COL4A3: variants seen among roughly 807,000 people sequenced by gnomAD.
COL4A3 encodes the protein collagen alpha-3(IV) chain.
A neutral mutation model predicts 217.4 loss-of-function variants in COL4A3; 135 were observed. That is an observed-to-expected ratio of 0.62 (90% CI 0.54 to 0.72). COL4A3 has a LOEUF of 0.72. COL4A3 is among the 30% of genes least tolerant of loss of function. The probability of loss-of-function intolerance (pLI) is 0.00; values close to 1 mark genes in which losing one functional copy is unlikely to be tolerated. For missense variants in COL4A3, 1,868 were observed against 2,119.9 expected, an observed-to-expected ratio of 0.88 and a Z score of 2.33; for synonymous variants, 690 against 736.3, an observed-to-expected ratio of 0.94 and a Z score of 1.02.
chr2:227,295,794 A>G (rs905746553), intron 41 of COL4A3, among the ~76,000 whole-genome samples: 1 of 152,200 alleles, frequency 6.6e-6, no homozygotes, highest in African/African-American at 2.4e-5. Context: ...GAGTCTCTCA[A>G]CATCTCAGAC....
At chr2:227,261,975 A>C (rs1441165537) in intron 20 of COL4A3, among the ~76,000 whole-genome samples, 1 of 152,214 alleles carries the variant, frequency 6.6e-6, no homozygotes, top group Non-Finnish European at 1.5e-5. Context: ...AACTAAGAAA[A>C]AAGAGCAAAA....
At position 227,254,762 on chromosome 2, in the gene COL4A3, C is replaced by T. The variant is rs201922059; in HGVS notation, c.888+47C>T. On this transcript the variant is annotated intron_variant, in intron 15 of 51. Coordinates refer to ENST00000396578, the MANE Select transcript of COL4A3 (RefSeq NM_000091.5). Reference sequence around the variant, plus strand: ...CATGTGCAGTTTTGATTAGTCAGGACTTGGGACTCTTTAGGTTACAGGAAC... The same window carrying T: ...CATGTGCAGTTTTGATTAGTCAGGATTTGGGACTCTTTAGGTTACAGGAAC... 8.3e-6 allele frequency: 11 copies of T among 1,331,950 alleles called. No homozygotes were observed. The Admixed American group carries it at 1.3e-4, about 16-fold the overall frequency. The allele number at this position is 1,331,950 out of a possible 1,614,324, so 82.5% of individuals were successfully genotyped here.
intron 1 of COL4A3, among the ~76,000 whole-genome samples, chr2:227,207,386 A>G (rs1559826862): frequency 6.6e-6 from 1 of 152,136 alleles, no homozygotes; most frequent in Non-Finnish European, 1.5e-5. Flanking sequence ...CTTCTTGTTT[A>G]TTTCCCTACA....
At chr2:227,263,204 C>G (rs544739363) in intron 20 of COL4A3, among the ~76,000 whole-genome samples, 1 of 152,334 alleles carries the variant, frequency 6.6e-6, no homozygotes, top group East Asian at 1.9e-4. Context: ...CAGTCCTTTG[C>G]TGGTGGCATC....
At chr2:227,224,975 G>A (rs1306034527) in intron 1 of COL4A3, among the ~76,000 whole-genome samples, 3 of 152,074 alleles carry the variant, frequency 2.0e-5, no homozygotes, top group African/African-American at 7.2e-5. Flanking sequence ...GCTGTGGCGC[G>A]ATTACAGCTC....
intron 1 of COL4A3, among the ~76,000 whole-genome samples, chr2:227,230,677 A>C (rs188189892): frequency 3.0e-3 from 463 of 152,350 alleles, no homozygotes; most frequent in Admixed American, 5.6e-3. Flanking sequence ...TTTTAAATTA[A>C]ATAATTCATT....
intron 18 of COL4A3, chr2:227,259,400 T>C (rs1271685323): frequency 6.2e-6 from 1 of 161,556 alleles, no homozygotes; most frequent in Non-Finnish European, 1.3e-5. Context: ...TGAAGTAGAA[T>C]AGAATAAAAA....
chr2:227,252,951 A>C (rs114622608), intron 11 of COL4A3, among the ~76,000 whole-genome samples: 1 of 152,342 alleles, frequency 6.6e-6, no homozygotes, highest in Non-Finnish European at 1.5e-5. Context: ...TAAAACAAGA[A>C]AACAAGAGCA....
At chr2:227,269,439 T>A (rs4608502) in intron 23 of COL4A3, among the ~76,000 whole-genome samples, 1 of 151,968 alleles carries the variant, frequency 6.6e-6, no homozygotes, top group Non-Finnish European at 1.5e-5. Context: ...CCATTTAAAA[T>A]GAAGCTATAA....
chr2:227,272,295 G>A (rs1198115313), intron 25 of COL4A3, among the ~76,000 whole-genome samples: 2 of 152,266 alleles, frequency 1.3e-5, no homozygotes, highest in East Asian at 1.9e-4. Flanking sequence ...AATCAAGGTG[G>A]TGATTTGTTG....
intron 25 of COL4A3, 86 bp from the exon 26 acceptor site, chr2:227,272,863 C>CA: frequency 2.2e-6 from 3 of 1,345,804 alleles, no homozygotes; most frequent in Non-Finnish European, 3.2e-6. Flanking sequence ...GACAGCCTAA[C>CA]TGGTATTCAT....
At chr2:227,284,081 A>G in intron 33 of COL4A3, 130 bp from the exon 34 acceptor site, 4 of 1,290,856 alleles carry the variant, frequency 3.1e-6, no homozygotes, top group Non-Finnish European at 4.4e-6. Flanking sequence ...GAAACTATTT[A>G]TCAAGTTCTC....
chr2:227,202,595 C>G (rs562865099), intron 1 of COL4A3, among the ~76,000 whole-genome samples: 2 of 151,028 alleles, frequency 1.3e-5, no homozygotes, highest in Non-Finnish European at 3.0e-5. Flanking sequence ...ATTAGCCGGG[C>G]GCGGTGGCGG....
At chr2:227,288,113 TGAGACG>T (rs1299248694) in intron 34 of COL4A3, among the ~76,000 whole-genome samples, 1 of 152,168 alleles carries the variant, frequency 6.6e-6, no homozygotes, top group Non-Finnish European at 1.5e-5. Context: ...TTATTTATTT[TGAGACG>T]GAGTCTCGCT....
At chr2:227,245,860 T>A in intron 5 of COL4A3, 94 bp from the exon 6 acceptor site, 1 of 905,932 alleles carries the variant, frequency 1.1e-6, no homozygotes, top group East Asian at 2.4e-5. Context: ...ATCATTTATA[T>A]TTCAAGAGCT....
At position 227,313,217 on chromosome 2, in the gene COL4A3, T is replaced by C. The variant is rs953839935; in HGVS notation, c.*1347T>C. 1 of 152,640 alleles carries C rather than the reference T, an allele frequency of 6.6e-6. No homozygotes were observed. Among genetic ancestry groups the C allele is most frequent in the Non-Finnish European group, 1.5e-5 (1 of 68,040 alleles). The allele number at this position is 152,640 out of a possible 1,614,324, so 9.5% of individuals were successfully genotyped here. A position where few individuals can be genotyped will look rare whatever the true frequency, so the allele number is the denominator to read the frequency against. On this transcript the variant is annotated 3_prime_UTR_variant, in exon 52 of 52. Transcript: ENST00000396578. ...TATCCCAGAAAAAGTAACTCATTGC[T>C]CTGTTAATAATCTCACATATACAAG... is the stretch of plus-strand genomic sequence containing the variant.
chr2:227,228,322 C>T (rs953839279), intron 1 of COL4A3, among the ~76,000 whole-genome samples: 4 of 152,252 alleles, frequency 2.6e-5, no homozygotes, highest in Admixed American at 2.6e-4. Flanking sequence ...CAGACACGGG[C>T]AGAGGCGGCC....
intron 9 of COL4A3, 38 bp downstream of exon 9, chr2:227,248,558 TTTTCA>T (rs2069497937): frequency 2.9e-6 from 4 of 1,377,484 alleles, no homozygotes; most frequent in Middle Eastern, 1.8e-4. Context: ...TATTCTCAGT[TTTTCA>T]CTCTCTCTCT....
chr2:227,245,262 T>C (rs182135171), intron 5 of COL4A3, among the ~76,000 whole-genome samples: 3 of 151,826 alleles, frequency 2.0e-5, no homozygotes, highest in Non-Finnish European at 2.9e-5. Flanking sequence ...ATCCAGTGAT[T>C]CCACATCCAT....
Sources: gnomAD v4.1 joint callset for allele counts (sites outside exome capture counted in the v4.1 genomes callset) on GRCh38, gnomAD v4.1.1 for gene constraint, MANE v1.5 for transcripts, NCBI Gene and HGNC (gene_info 2026-07-23, HGNC 2026-07-21) for gene names.